Variants in CCDC170 observed in about 807,000 individuals in gnomAD.
CCDC170 encodes the protein coiled-coil domain containing 170.
Under a neutral mutation model 72.6 loss-of-function variants are expected in CCDC170, and 69 were observed. The observed-to-expected ratio is 0.95, with a 90% CI of 0.78 to 1.16. The LOEUF is 1.16. Among genes scored for constraint, CCDC170 ranks in the 50% most tolerant of loss-of-function variants. CCDC170 has a pLI of 0.00. For synonymous variants in CCDC170, 300 were observed against 303.9 expected (o/e 0.99, Z 0.13); for missense variants, 852 against 832.5 (o/e 1.02, Z -0.29).
intron 9 of CCDC170, among the ~76,000 whole-genome samples, chr6:151,608,198 T>C (rs562666304): frequency 6.6e-6 from 1 of 152,342 alleles, no homozygotes; most frequent in South Asian, 2.1e-4. Context: ...TTTATTTCTT[T>C]GCTGACTTTC....
At chr6:151,602,948 G>T (rs892917940) in intron 9 of CCDC170, among the ~76,000 whole-genome samples, 1 of 151,998 alleles carries the variant, frequency 6.6e-6, no homozygotes, top group Admixed American at 6.6e-5. Context: ...TTACAGGCGT[G>T]TGCCACCATG....
chr6:151,513,224 G>A (rs985787314), intron 1 of CCDC170, among the ~76,000 whole-genome samples: 1 of 152,196 alleles, frequency 6.6e-6, no homozygotes, highest in African/African-American at 2.4e-5. Context: ...AATATTAAAT[G>A]TAGAAAACAG....
intron 1 of CCDC170, among the ~76,000 whole-genome samples, chr6:151,528,020 G>T (rs1465603194): frequency 1.3e-5 from 2 of 152,098 alleles, no homozygotes; most frequent in Non-Finnish European, 2.9e-5. Context: ...GCTTATCTTT[G>T]CTTTATGCCA....
intron 6 of CCDC170, among the ~76,000 whole-genome samples, chr6:151,584,503 A>G (rs1313414005): frequency 6.6e-6 from 1 of 152,200 alleles, no homozygotes; most frequent in Non-Finnish European, 1.5e-5. Context: ...ATGAAATTGC[A>G]TGTATAATAT....
intron 9 of CCDC170, among the ~76,000 whole-genome samples, chr6:151,610,463 C>T (rs1487576987): frequency 6.6e-6 from 1 of 152,048 alleles, no homozygotes; most frequent in African/African-American, 2.4e-5. Context: ...TATATTTTGC[C>T]TGGAGAGAGA....
chr6:151,506,951 C>T (rs977683857), intron 1 of CCDC170, among the ~76,000 whole-genome samples: 14 of 152,176 alleles, frequency 9.2e-5, no homozygotes, highest in African/African-American at 3.1e-4. Flanking sequence ...TGCAGATTTC[C>T]GACTTGCCAG....
At chr6:151,552,168 G>A (rs533625426) in intron 5 of CCDC170, among the ~76,000 whole-genome samples, 6 of 152,086 alleles carry the variant, frequency 3.9e-5, no homozygotes, top group Non-Finnish European at 7.4e-5. Context: ...GGATCTAGAG[G>A]CTGGATTGGA....
At chr6:151,573,027 G>T (rs1776246033) in intron 5 of CCDC170, 147 bp from the exon 6 acceptor site, 1 of 677,600 alleles carries the variant, frequency 1.5e-6, no homozygotes, top group African/African-American at 1.8e-5. Flanking sequence ...GGAGACTATA[G>T]GGAACTTGGA....
intron 5 of CCDC170, among the ~76,000 whole-genome samples, chr6:151,553,784 C>A (rs1782925321): frequency 6.6e-6 from 1 of 151,908 alleles, no homozygotes; most frequent in African/African-American, 2.4e-5. Context: ...TAATAAAGTA[C>A]TTTATTCATA....
rs547157134 is a variant in CCDC170, at chr6:151,573,101, T to G, written c.775-73T>G. On this transcript the variant is annotated intron_variant, in intron 5 of 10. Transcript: ENST00000239374. Reference sequence around the variant, plus strand: ...GTCATTAGCAGGCAAAGTCAATGAATTTGCCATAGCAAATGCAGGTGTACC... The same window carrying G: ...GTCATTAGCAGGCAAAGTCAATGAAGTTGCCATAGCAAATGCAGGTGTACC... 2.2e-6 allele frequency: 3 copies of G among 1,378,672 alleles called. No homozygotes were observed. In the African/African-American group the frequency reaches 4.3e-5, roughly 20 times the overall value. 85.4% of individuals were successfully genotyped at this position (1,378,672 alleles called of 1,614,324 possible). A position where few individuals can be genotyped will look rare whatever the true frequency, so the allele number is the denominator to read the frequency against.
chr6:151,595,991 C>T (rs1209317096), intron 8 of CCDC170, among the ~76,000 whole-genome samples: 1 of 152,152 alleles, frequency 6.6e-6, no homozygotes, highest in Non-Finnish European at 1.5e-5. Context: ...TTTTGTCTCT[C>T]TGTCTTATTA....
intron 3 of CCDC170, among the ~76,000 whole-genome samples, chr6:151,538,991 G>A (rs936191565): frequency 1.3e-5 from 2 of 152,142 alleles, no homozygotes; most frequent in African/African-American, 2.4e-5. Context: ...GCCGGGCATG[G>A]CGGCTCACAC....
chr6:151,503,735 G>A (rs918704080), intron 1 of CCDC170, among the ~76,000 whole-genome samples: 2 of 152,162 alleles, frequency 1.3e-5, no homozygotes, highest in African/African-American at 2.4e-5. Flanking sequence ...TTACAAGGGT[G>A]AGCCACCGCG....
At chr6:151,528,934 TTTTTC>T (rs770862974) in intron 1 of CCDC170, among the ~76,000 whole-genome samples, 24 of 152,092 alleles carry the variant, frequency 1.6e-4, no homozygotes, top group Non-Finnish European at 3.2e-4. Context: ...ATTCCCAGTG[TTTTTC>T]TTTTCTTTAA....
At chr6:151,596,901 A>G (rs951787517) in intron 9 of CCDC170, among the ~76,000 whole-genome samples, 9 of 152,158 alleles carry the variant, frequency 5.9e-5, no homozygotes, top group Non-Finnish European at 7.4e-5. Context: ...ATCTTGGCTC[A>G]CCACAACCTC....
intron 4 of CCDC170, among the ~76,000 whole-genome samples, chr6:151,546,676 C>A (rs1782776460): frequency 6.6e-6 from 1 of 152,126 alleles, no homozygotes; most frequent in South Asian, 2.1e-4. Flanking sequence ...TGAAATCATT[C>A]AATAGCCAAC....
At chr6:151,555,217 A>C (rs1423394945) in intron 5 of CCDC170, among the ~76,000 whole-genome samples, 1 of 152,128 alleles carries the variant, frequency 6.6e-6, no homozygotes, top group Admixed American at 6.5e-5. Context: ...AAATGGGAAA[A>C]TAAGGCTCTC....
At chr6:151,573,797 A>G (rs1322573057) in intron 6 of CCDC170, among the ~76,000 whole-genome samples, 1 of 152,204 alleles carries the variant, frequency 6.6e-6, no homozygotes, top group African/African-American at 2.4e-5. Flanking sequence ...CTCTATCACA[A>G]GAACAGCATG....
intron 10 of CCDC170, chr6:151,615,886 C>T: frequency 3.9e-6 from 2 of 511,800 alleles, no homozygotes; most frequent in East Asian, 3.2e-5. Flanking sequence ...GAACTAGTCA[C>T]ATATTTATTC....
Sources: allele counts gnomAD v4.1 joint callset (sites outside exome capture counted in the v4.1 genomes callset), GRCh38; gene constraint gnomAD v4.1.1; transcripts MANE v1.5; gene names NCBI Gene and HGNC (gene_info 2026-07-23, HGNC 2026-07-21).